Variants in DIS3L2 observed in about 807,000 individuals in gnomAD.
DIS3L2 encodes DIS3-like exonuclease 2.
In DIS3L2, 34 loss-of-function variants were observed where a neutral mutation model predicts 97.5. The observed-to-expected ratio is 0.35, with a 90% CI of 0.27 to 0.46. The LOEUF is 0.46. DIS3L2 is among the 20% of genes least tolerant of loss of function. DIS3L2 has a pLI of 1.00. For missense variants in DIS3L2, 1,038 were observed against 1,146.0 expected, an observed-to-expected ratio of 0.91 and a Z score of 1.36; for synonymous variants, 435 against 445.2, an observed-to-expected ratio of 0.98 and a Z score of 0.29.
intron 10 of DIS3L2, among the ~76,000 whole-genome samples, chr2:232,235,209 G>A (rs1216841892): frequency 6.6e-6 from 1 of 152,068 alleles, no homozygotes; most frequent in Non-Finnish European, 1.5e-5. Flanking sequence ...CCTACTCCCT[G>A]GCAGATGAAA....
At chr2:232,139,650 A>G (rs567329628) in intron 8 of DIS3L2, among the ~76,000 whole-genome samples, 1 of 152,322 alleles carries the variant, frequency 6.6e-6, no homozygotes, top group African/African-American at 2.4e-5. Flanking sequence ...TCCATAGAAT[A>G]GAATAATTTG....
intron 1 of DIS3L2, chr2:231,978,438 G>A (rs748173152): frequency 2.6e-5 from 4 of 152,146 alleles, no homozygotes; most frequent in Non-Finnish European, 4.4e-5. Flanking sequence ...TTTTCCCATA[G>A]CGTCAAATGT....
intron 1 of DIS3L2, among the ~76,000 whole-genome samples, chr2:231,971,802 C>G (rs962518177): frequency 6.7e-6 from 1 of 150,234 alleles, no homozygotes; most frequent in Non-Finnish European, 1.5e-5. Context: ...AGGATGGTCT[C>G]AAACTCCAGA....
chr2:232,296,825 C>T (rs1694736411), intron 13 of DIS3L2, among the ~76,000 whole-genome samples: 1 of 152,160 alleles, frequency 6.6e-6, no homozygotes, highest in Non-Finnish European at 1.5e-5. Flanking sequence ...GTGAGTCCTC[C>T]ATTTAGTAAA....
chr2:232,087,907 G>A (rs1020491653), intron 6 of DIS3L2, 186 bp downstream of exon 6: 8 of 568,318 alleles, frequency 1.4e-5, no homozygotes, highest in Non-Finnish European at 1.9e-5. Context: ...GGGGATGAAA[G>A]TGCTTCCAGC....
rs1030068399 is a variant in DIS3L2, at chr2:232,016,936, C to G, written c.210+1265C>G. 2.1e-5 allele frequency among the ~76,000 whole-genome samples: 3 copies of G among 144,518 alleles called. No homozygotes were observed. The East Asian group carries it at 6.2e-4, about 30-fold the overall frequency. The allele number at this position is 144,518 out of a possible 152,430, so 94.8% of individuals were successfully genotyped here. On this transcript the variant is annotated intron_variant, in intron 3 of 20. Transcript: ENST00000325385. ...TCCCTCCCTCTCTCCCTCCCTCCCT[C>G]CCTCCCTTCCTTCCTTCCTTCACCT...
intron 5 of DIS3L2, among the ~76,000 whole-genome samples, chr2:232,038,322 A>G (rs1307125168): frequency 6.6e-6 from 1 of 152,172 alleles, no homozygotes; most frequent in Non-Finnish European, 1.5e-5. Flanking sequence ...GAACAGAAAG[A>G]TGGTGGCATC....
At chr2:232,156,033 G>A (rs1574913641) in intron 8 of DIS3L2, among the ~76,000 whole-genome samples, 1 of 151,800 alleles carries the variant, frequency 6.6e-6, no homozygotes, top group African/African-American at 2.4e-5. Flanking sequence ...CTTAGAAAAT[G>A]TTTTCTATTC....
At chr2:232,067,410 G>A (rs1232184929) in intron 5 of DIS3L2, among the ~76,000 whole-genome samples, 2 of 152,122 alleles carry the variant, frequency 1.3e-5, no homozygotes, top group African/African-American at 2.4e-5. Context: ...ATTTTCAGGT[G>A]TATAGGTGAA....
At chr2:232,043,552 A>G (rs1235469288) in intron 5 of DIS3L2, among the ~76,000 whole-genome samples, 1 of 152,220 alleles carries the variant, frequency 6.6e-6, no homozygotes, top group East Asian at 1.9e-4. Context: ...AAAAGCTTCA[A>G]TATTGCTTAC....
chr2:232,103,770 T>A (rs1050731275), intron 6 of DIS3L2, among the ~76,000 whole-genome samples: 2 of 152,330 alleles, frequency 1.3e-5, no homozygotes, highest in East Asian at 3.9e-4. Context: ...ATTGAAGAAC[T>A]CATACTTGAA....
intron 9 of DIS3L2, among the ~76,000 whole-genome samples, chr2:232,200,614 G>T (rs1184848008): frequency 6.6e-6 from 1 of 151,194 alleles, no homozygotes; most frequent in Non-Finnish European, 1.5e-5. Context: ...AATTTGTAAT[G>T]ACACTAAAAA....
At chr2:232,321,847 C>A (rs1371819007) in intron 14 of DIS3L2, among the ~76,000 whole-genome samples, 1 of 152,122 alleles carries the variant, frequency 6.6e-6, no homozygotes. Context: ...CAACAGTGTC[C>A]CAGCCCAGCC....
chr2:232,211,802 G>A (rs141735273), intron 10 of DIS3L2, among the ~76,000 whole-genome samples: 3,217 of 152,218 alleles, frequency 0.021, 53 homozygotes, highest in Non-Finnish European at 0.032. Context: ...CCTAAGACTG[G>A]TTTTATCTTC....
intron 14 of DIS3L2, 25 bp from the exon 15 acceptor site, chr2:232,329,788 C>CCGGGGGGGCG: frequency 9.3e-7 from 1 of 1,080,634 alleles, no homozygotes; most frequent in Non-Finnish European, 1.3e-6. Flanking sequence ...CCAGCGGTCC[C>CCGGGGGGGCG]TCCCATCCCA....
At chr2:232,333,122 C>G (rs879823464) in intron 16 of DIS3L2, among the ~76,000 whole-genome samples, 1 of 151,278 alleles carries the variant, frequency 6.6e-6, no homozygotes, top group Non-Finnish European at 1.5e-5. Flanking sequence ...TTGTCCTCCT[C>G]GACCACCACC....
intron 5 of DIS3L2, among the ~76,000 whole-genome samples, chr2:232,031,769 G>A (rs4447598): frequency 0.46 from 69,178 of 151,830 alleles, 18,295 homozygotes; most frequent in Non-Finnish European, 0.6. Context: ...TTCTGTTCCT[G>A]TGTTAGTTTG....
At chr2:232,331,168 C>T (rs1332909417) in intron 16 of DIS3L2, among the ~76,000 whole-genome samples, 3 of 152,266 alleles carry the variant, frequency 2.0e-5, no homozygotes, top group Admixed American at 2.0e-4. Flanking sequence ...AGCTGTCAGC[C>T]TCTGGCCAGT....
chr2:232,328,999 C>G (rs1273665240), intron 14 of DIS3L2: 1 of 152,424 alleles, frequency 6.6e-6, no homozygotes, highest in Admixed American at 6.5e-5. Flanking sequence ...CTATCGGTCC[C>G]CGCTCCTTCA....
Sources: gnomAD v4.1 joint callset for allele counts (sites outside exome capture counted in the v4.1 genomes callset) on GRCh38, gnomAD v4.1.1 for gene constraint, MANE v1.5 for transcripts, NCBI Gene and HGNC (gene_info 2026-07-23, HGNC 2026-07-21) for gene names.